Variants in NRG3 observed in about 807,000 individuals in gnomAD.
The protein encoded by NRG3 is neuregulin 3, also known as pro-neuregulin-3, membrane-bound isoform.
Under a neutral mutation model 66.9 loss-of-function variants are expected in NRG3, and 31 were observed. The ratio of observed to expected loss-of-function variants is 0.46; its 90% CI spans 0.35 to 0.63. The LOEUF is 0.63. Among genes scored for constraint, NRG3 ranks in the 20% least tolerant of loss-of-function variants. The pLI, the probability that NRG3 is intolerant of heterozygous loss-of-function variation, is 0.00. For synonymous variants in NRG3, 393 were observed against 359.4 expected (o/e 1.09, Z -1.06); for missense variants, 910 against 878.9 (o/e 1.04, Z -0.45).
At chr10:82,818,006 G>A (rs1404132741) in intron 3 of NRG3, among the ~76,000 whole-genome samples, 1 of 152,218 alleles carries the variant, frequency 6.6e-6, no homozygotes, top group East Asian at 1.9e-4. Flanking sequence ...CAGTGTTTAT[G>A]CTTGGTGATT....
chr10:82,135,464 A>G (rs1896510), intron 1 of NRG3, among the ~76,000 whole-genome samples: 3,272 of 152,164 alleles, frequency 0.022, 114 homozygotes, highest in African/African-American at 0.075. Flanking sequence ...TTTTAAGGCA[A>G]ATAACTCTTG....
At chr10:82,754,257 T>C (rs901887144) in intron 3 of NRG3, among the ~76,000 whole-genome samples, 1 of 151,488 alleles carries the variant, frequency 6.6e-6, no homozygotes, top group Admixed American at 6.6e-5. Flanking sequence ...TGGATCCATA[T>C]ATTTGTACAT....
intron 1 of NRG3, among the ~76,000 whole-genome samples, chr10:81,943,589 G>T (rs1436791352): frequency 2.6e-5 from 4 of 152,254 alleles, no homozygotes; most frequent in African/African-American, 7.2e-5. Context: ...ATCTGAAAGG[G>T]GATCAATGTA....
At chr10:82,217,998 A>G (rs1418554678) in intron 1 of NRG3, among the ~76,000 whole-genome samples, 3 of 151,994 alleles carry the variant, frequency 2.0e-5, no homozygotes, top group Non-Finnish European at 4.4e-5. Flanking sequence ...TAGTCTGGAT[A>G]TTTCCTAGAT....
intron 1 of NRG3, among the ~76,000 whole-genome samples, chr10:81,932,402 C>G (rs1847459605): frequency 6.6e-6 from 1 of 152,170 alleles, no homozygotes; most frequent in African/African-American, 2.4e-5. Flanking sequence ...GATTTCAATT[C>G]TACATGAGGT....
intron 1 of NRG3, among the ~76,000 whole-genome samples, chr10:82,155,330 A>G (rs1215597854): frequency 1.3e-5 from 2 of 151,764 alleles, no homozygotes; most frequent in African/African-American, 2.4e-5. Flanking sequence ...CAGGATGCCT[A>G]CCTTTGTTCA....
At chr10:82,445,574 T>C (rs2090675398) in intron 2 of NRG3, among the ~76,000 whole-genome samples, 1 of 152,196 alleles carries the variant, frequency 6.6e-6, no homozygotes, top group African/African-American at 2.4e-5. Flanking sequence ...CTGGTTGGTG[T>C]AGTTATCCAA....
chr10:82,219,704 C>T (rs534508223), intron 1 of NRG3, among the ~76,000 whole-genome samples: 5 of 152,022 alleles, frequency 3.3e-5, no homozygotes, highest in African/African-American at 4.8e-5. Flanking sequence ...GATGCCTTAT[C>T]TCGCCAAATA....
chr10:82,191,135 G>A (rs961873855), intron 1 of NRG3, among the ~76,000 whole-genome samples: 1 of 152,028 alleles, frequency 6.6e-6, no homozygotes, highest in Non-Finnish European at 1.5e-5. Context: ...ATTTGTCTCC[G>A]AGGTGGAGAA....
chr10:82,375,134 C>A (rs2085133594), intron 2 of NRG3, among the ~76,000 whole-genome samples: 1 of 152,188 alleles, frequency 6.6e-6, no homozygotes, highest in Non-Finnish European at 1.5e-5. Flanking sequence ...AAAATGTTCT[C>A]TGCAGCATTC....
intron 1 of NRG3, among the ~76,000 whole-genome samples, chr10:82,098,910 C>T (rs2066548491): frequency 1.3e-5 from 2 of 152,036 alleles, no homozygotes; most frequent in African/African-American, 4.8e-5. Flanking sequence ...ACTGCAGGTG[C>T]CCGCCACCAT....
chr10:82,250,030 A>C (rs2077412044), intron 1 of NRG3, among the ~76,000 whole-genome samples: 1 of 152,174 alleles, frequency 6.6e-6, no homozygotes, highest in Non-Finnish European at 1.5e-5. Flanking sequence ...CTTCCTCTCC[A>C]GAGGTCCTGG....
At chr10:81,984,804 T>A (rs2060461946) in intron 1 of NRG3, among the ~76,000 whole-genome samples, 1 of 152,170 alleles carries the variant, frequency 6.6e-6, no homozygotes, top group Admixed American at 6.5e-5. Context: ...ACTATACATA[T>A]ACAAAAAGAC....
intron 1 of NRG3, among the ~76,000 whole-genome samples, chr10:82,129,345 A>T (rs11192642): frequency 6.6e-6 from 1 of 152,136 alleles, no homozygotes; most frequent in Admixed American, 6.6e-5. Context: ...ATGCATGGTT[A>T]GTTTAAAGTT....
At chr10:82,417,818 C>T (rs1590057224) in intron 2 of NRG3, among the ~76,000 whole-genome samples, 1 of 152,170 alleles carries the variant, frequency 6.6e-6, no homozygotes, top group East Asian at 1.9e-4. Flanking sequence ...CTCCCAGGCA[C>T]ATCTGCATGT....
chr10:82,120,545 T>A (rs1272631050), intron 1 of NRG3, among the ~76,000 whole-genome samples: 2 of 152,116 alleles, frequency 1.3e-5, no homozygotes, highest in Non-Finnish European at 2.9e-5. Flanking sequence ...GTTTTCTTAT[T>A]TTTTCAGGGA....
rs2072173639 is a variant in NRG3, at chr10:82,167,460, C to T, written c.824-191279C>T. ...TTAGTGGCAGTGGCATCCAAAGGGG[C>T]AGGGTGATGGGAGTGTTCCACCCTG... On this transcript the variant is annotated intron_variant, in intron 1 of 8. Coordinates refer to ENST00000372141, the MANE Select transcript of NRG3 (RefSeq NM_001010848.4). Among the ~76,000 whole-genome samples, 4 of 152,046 alleles carry T rather than the reference C, an allele frequency of 2.6e-5. No homozygotes were observed. In the South Asian group the frequency reaches 8.3e-4, roughly 32 times the overall value.
intron 2 of NRG3, among the ~76,000 whole-genome samples, chr10:82,430,421 C>A (rs2089728229): frequency 6.6e-6 from 1 of 152,012 alleles, no homozygotes; most frequent in African/African-American, 2.4e-5. Context: ...CCATGCCTGG[C>A]TAATTTTTTC....
intron 1 of NRG3, among the ~76,000 whole-genome samples, chr10:81,942,334 T>C (rs753486360): frequency 6.6e-6 from 1 of 152,100 alleles, no homozygotes; most frequent in Non-Finnish European, 1.5e-5. Flanking sequence ...ATATGACAGA[T>C]GCTACCCGCT....
Sources: gnomAD v4.1 joint callset for allele counts (sites outside exome capture counted in the v4.1 genomes callset) on GRCh38, gnomAD v4.1.1 for gene constraint, MANE v1.5 for transcripts, NCBI Gene and HGNC (gene_info 2026-07-23, HGNC 2026-07-21) for gene names.